RERE: variants seen among roughly 807,000 people sequenced by gnomAD.
The protein encoded by RERE is arginine-glutamic acid dipeptide repeats, also known as arginine-glutamic acid dipeptide repeats protein.
RERE carries 40 observed loss-of-function variants against 146.1 expected under a neutral mutation model. The ratio of observed to expected loss-of-function variants is 0.27; its 90% CI spans 0.21 to 0.36. The LOEUF is 0.36. Among genes scored for constraint, RERE ranks in the 10% least tolerant of loss-of-function variants. The pLI is 1.00. For missense variants in RERE, 1,933 were observed against 2,138.7 expected (o/e 0.90, Z 1.90); for synonymous variants, 1,003 against 866.0 (o/e 1.16, Z -2.78).
At position 8,656,083 on chromosome 1, in the gene RERE, G is replaced by T; in HGVS notation, c.215C>A (p.Thr72Lys). The T allele has an allele frequency of 1.9e-6, 3 of 1,613,570 alleles. No individual in the cohort carries two copies. The highest frequency in any genetic ancestry group is 2.5e-6 in the Non-Finnish European group (3 of 1,179,896). The change falls in exon 2 of 23, where the codon ACG (threonine) becomes AAG (lysine). Residue 72 changes from threonine (T) to lysine (K), a missense_variant. Thr to Lys is a moderately conservative substitution (Grantham distance 78). Coordinates refer to ENST00000400908, the MANE Select transcript of RERE (RefSeq NM_001042681.2). ...CGGTGGTTTCTTCTTATTCTTCTTCGTGGACTCCTCTGCGGTGGCACTATT... is the reference window on the plus strand; with the variant it reads ...CGGTGGTTTCTTCTTATTCTTCTTCTTGGACTCCTCTGCGGTGGCACTATT... ...DNNSATAEES[T>K]KKNKKKPPKK...
intron 1 of RERE, among the ~76,000 whole-genome samples, chr1:8,743,224 C>T (rs1640347155): frequency 6.6e-6 from 1 of 151,908 alleles, no homozygotes; most frequent in Admixed American, 6.6e-5. Flanking sequence ...GGCAAGACCC[C>T]ATCTCTACAA....
At chr1:8,708,917 T>TC (rs1192141415) in intron 1 of RERE, among the ~76,000 whole-genome samples, 1 of 135,654 alleles carries the variant, frequency 7.4e-6, no homozygotes, top group African/African-American at 2.8e-5. Flanking sequence ...TTTTTTTTTT[T>TC]TTTTTTTTTT....
chr1:8,772,083 C>A (rs901733839), intron 1 of RERE, among the ~76,000 whole-genome samples: 1 of 151,758 alleles, frequency 6.6e-6, no homozygotes, highest in Middle Eastern at 3.2e-3. Flanking sequence ...GTAAAATAAT[C>A]CCAATTTTGT....
At position 8,360,493 on chromosome 1, in the gene RERE, G is replaced by T; in HGVS notation, c.3014C>A (p.Pro1005His). The change falls in exon 18 of 23, where the codon CCC becomes CAC. Residue 1005 changes from proline (P) to histidine (H), a missense_variant. This residue lies in a region of RERE where 1,255 missense variants were observed against 1,153.8 expected (regional missense o/e 1.09). Transcript: ENST00000400908. ...QPLPSSPAQP[P>H]GLTQSQNLPP... is the part of the protein sequence containing the mutation. ...CAGGTTCTGGCTCTGGGTCAGCCCG[G>T]GGGGCTGGGCGGGCGAGGAGGGCAA... The T allele has an allele frequency of 1.5e-6, 2 of 1,378,562 alleles. No homozygotes were observed. Among genetic ancestry groups the T allele is most frequent in the Non-Finnish European group, 1.9e-6 (2 of 1,044,590 alleles). The allele number at this position is 1,378,562 out of a possible 1,614,324, so 85.4% of individuals were successfully genotyped here. A position where few individuals can be genotyped will look rare whatever the true frequency, so the allele number is the denominator to read the frequency against.
chr1:8,520,662 G>T (rs1645481144), intron 7 of RERE, among the ~76,000 whole-genome samples: 1 of 144,628 alleles, frequency 6.9e-6, no homozygotes, highest in Non-Finnish European at 1.5e-5. Context: ...GGCTCCTAGG[G>T]AACTTTACTG....
At chr1:8,815,958 A>G (rs1362903417) in intron 1 of RERE, among the ~76,000 whole-genome samples, 1 of 152,084 alleles carries the variant, frequency 6.6e-6, no homozygotes, top group Non-Finnish European at 1.5e-5. Flanking sequence ...CAGGCCATCA[A>G]AATCAAAACT....
At chr1:8,737,522 T>C (rs1406530013) in intron 1 of RERE, among the ~76,000 whole-genome samples, 5 of 152,160 alleles carry the variant, frequency 3.3e-5, no homozygotes, top group African/African-American at 1.2e-4. Flanking sequence ...CAATTGCAAG[T>C]TGAAGAGAAC....
intron 1 of RERE, among the ~76,000 whole-genome samples, chr1:8,693,522 T>C (rs1298618921): frequency 2.0e-5 from 3 of 152,128 alleles, no homozygotes; most frequent in Non-Finnish European, 4.4e-5. Flanking sequence ...AGTCCAGTTA[T>C]ATGACATCTG....
chr1:8,434,682 C>T (rs1644144048), intron 11 of RERE: 1 of 152,242 alleles, frequency 6.6e-6, no homozygotes, highest in African/African-American at 2.4e-5. Context: ...TCATACAAAG[C>T]AACACAGCTT....
intron 4 of RERE, among the ~76,000 whole-genome samples, chr1:8,608,544 G>A (rs1646750921): frequency 6.6e-6 from 1 of 151,988 alleles, no homozygotes; most frequent in Non-Finnish European, 1.5e-5. Context: ...AACACCCCAA[G>A]AAAGGCAGGG....
At chr1:8,503,095 TA>T (rs1557662572) in intron 8 of RERE, among the ~76,000 whole-genome samples, 1 of 138,044 alleles carries the variant, frequency 7.2e-6, no homozygotes, top group African/African-American at 3.0e-5. Context: ...TAAAAATAAA[TA>T]AATAAATAAA....
chr1:8,416,656 G>A (rs1013917449), intron 12 of RERE, among the ~76,000 whole-genome samples: 18 of 151,300 alleles, frequency 1.2e-4, no homozygotes, highest in African/African-American at 4.4e-4. Flanking sequence ...AATAAGCCCT[G>A]ATACTTTTCT....
chr1:8,508,491 GA>G (rs1011117150), intron 8 of RERE, 135 bp downstream of exon 8: 3 of 663,848 alleles, frequency 4.5e-6, no homozygotes, highest in Non-Finnish European at 2.6e-6. Flanking sequence ...GAGGAGGGTG[GA>G]AAAAAAACCT....
intron 3 of RERE, among the ~76,000 whole-genome samples, chr1:8,623,564 C>T (rs1213296746): frequency 3.3e-5 from 5 of 152,202 alleles, no homozygotes; most frequent in East Asian, 1.9e-4. Flanking sequence ...GTTGTCCAGA[C>T]GTGTGAGATC....
intron 12 of RERE, among the ~76,000 whole-genome samples, chr1:8,385,642 C>CT (rs774786255): frequency 7.2e-5 from 11 of 152,032 alleles, no homozygotes; most frequent in Non-Finnish European, 7.4e-5. Context: ...GGCCTCAGAA[C>CT]GCCTGACCAG....
At chr1:8,365,161 C>T (rs184780801) in intron 13 of RERE, among the ~76,000 whole-genome samples, 102 of 152,358 alleles carry the variant, frequency 6.7e-4, no homozygotes, top group African/African-American at 1.9e-3. Context: ...CTCCCTAATA[C>T]GCCCAGGCAA....
intron 12 of RERE, among the ~76,000 whole-genome samples, chr1:8,414,178 T>A (rs1643695487): frequency 6.6e-6 from 1 of 150,944 alleles, no homozygotes; most frequent in Non-Finnish European, 1.5e-5. Flanking sequence ...AGACATCCCA[T>A]CCTAGACAGC....
intron 1 of RERE, among the ~76,000 whole-genome samples, chr1:8,717,451 A>G (rs1385723285): frequency 6.6e-6 from 1 of 152,216 alleles, no homozygotes; most frequent in Non-Finnish European, 1.5e-5. Context: ...GAAGACCTAA[A>G]TTAAAGCTTG....
chr1:8,514,096 T>G (rs1484281650), intron 7 of RERE, among the ~76,000 whole-genome samples: 1 of 152,236 alleles, frequency 6.6e-6, no homozygotes, highest in Non-Finnish European at 1.5e-5. Context: ...GTAGAGAAGC[T>G]GTCAGGCTCA....
Sources: allele counts gnomAD v4.1 joint callset (sites outside exome capture counted in the v4.1 genomes callset), GRCh38; gene constraint gnomAD v4.1.1; regional missense constraint gnomAD v4.1.1; transcripts MANE v1.5; gene names NCBI Gene and HGNC (gene_info 2026-07-23, HGNC 2026-07-21).